Variants in NOVA1 observed in about 807,000 individuals in gnomAD.
NOVA1 encodes the protein NOVA alternative splicing regulator 1.
Under a neutral mutation model 38.0 loss-of-function variants are expected in NOVA1, and 7 were observed. The ratio of observed to expected loss-of-function variants is 0.18; its 90% CI spans 0.10 to 0.35. The LOEUF (loss-of-function observed/expected upper bound fraction) is 0.35. Ranked by LOEUF, NOVA1 falls within the 10% of genes least tolerant of loss-of-function variation. The pLI is 1.00. For missense variants in NOVA1, 460 were observed against 616.0 expected, an observed-to-expected ratio of 0.75 and a Z score of 2.68; for synonymous variants, 270 against 232.5, an observed-to-expected ratio of 1.16 and a Z score of -1.47.
chr14:26,592,810 T>G (rs1244923105), intron 2 of NOVA1: 1 of 151,736 alleles, frequency 6.6e-6, no homozygotes, highest in Admixed American at 6.6e-5. Context: ...TGAGTTAAAA[T>G]GTATTAAAAT....
chr14:26,494,623 T>C (rs913132523), intron 2 of NOVA1, among the ~76,000 whole-genome samples: 7 of 152,186 alleles, frequency 4.6e-5, no homozygotes, highest in African/African-American at 1.7e-4. Context: ...CTTATGGAAA[T>C]AGTTTCCTCT....
intron 2 of NOVA1, among the ~76,000 whole-genome samples, chr14:26,542,733 C>CAAA (rs71121888): frequency 5.6e-5 from 7 of 125,896 alleles, no homozygotes; most frequent in African/African-American, 1.7e-4. Context: ...TTTGTAATGG[C>CAAA]AAAAAAAAAA....
intron 2 of NOVA1, among the ~76,000 whole-genome samples, chr14:26,499,403 A>G (rs1763234776): frequency 6.6e-6 from 1 of 152,184 alleles, no homozygotes; most frequent in Non-Finnish European, 1.5e-5. Flanking sequence ...GTGAATTTGT[A>G]TGATGCAGCA....
chr14:26,452,919 T>C (rs1882826656), intron 4 of NOVA1, among the ~76,000 whole-genome samples: 1 of 152,200 alleles, frequency 6.6e-6, no homozygotes, highest in Non-Finnish European at 1.5e-5. Context: ...AATGAGTGTG[T>C]ATCAGTGCAG....
intron 2 of NOVA1, among the ~76,000 whole-genome samples, chr14:26,569,537 A>T (rs1892344006): frequency 2.0e-5 from 3 of 152,240 alleles, no homozygotes; most frequent in African/African-American, 7.2e-5. Context: ...TGATACGTTA[A>T]GAAAAGTTTC....
At chr14:26,501,868 A>G (rs544885180) in intron 2 of NOVA1, among the ~76,000 whole-genome samples, 1 of 151,976 alleles carries the variant, frequency 6.6e-6, no homozygotes, top group Non-Finnish European at 1.5e-5. Flanking sequence ...GTATTCTACT[A>G]TTCTTTTCTC....
At chr14:26,554,829 G>A (rs1025662987) in intron 2 of NOVA1, among the ~76,000 whole-genome samples, 1 of 152,000 alleles carries the variant, frequency 6.6e-6, no homozygotes, top group Admixed American at 6.5e-5. Flanking sequence ...TTATTCTTAG[G>A]AACAACCAGC....
intron 2 of NOVA1, among the ~76,000 whole-genome samples, chr14:26,492,513 T>A (rs568514886): frequency 1.3e-5 from 2 of 152,194 alleles, no homozygotes; most frequent in South Asian, 4.1e-4. Flanking sequence ...CCTTTTACCA[T>A]TTTAACAAAA....
intron 3 of NOVA1, among the ~76,000 whole-genome samples, chr14:26,478,319 A>G (rs1019379249): frequency 1.3e-5 from 2 of 151,906 alleles, no homozygotes; most frequent in Non-Finnish European, 1.5e-5. Flanking sequence ...ATAATAATTC[A>G]TATCACCGTC....
intron 2 of NOVA1, among the ~76,000 whole-genome samples, chr14:26,554,193 A>G (rs1437346580): frequency 3.6e-5 from 5 of 137,950 alleles, no homozygotes; most frequent in Admixed American, 1.4e-4. Context: ...AGAAGGAAGG[A>G]AGGGAGGGAG....
chr14:26,549,443 G>A (rs1240033006), intron 2 of NOVA1: 1 of 166,380 alleles, frequency 6.0e-6, no homozygotes, highest in Non-Finnish European at 1.3e-5. Context: ...CATTCAAAGT[G>A]AAGAATATTG....
chr14:26,536,807 C>T (rs1256979915), intron 2 of NOVA1, among the ~76,000 whole-genome samples: 9 of 151,912 alleles, frequency 5.9e-5, no homozygotes, highest in Non-Finnish European at 7.4e-5. Flanking sequence ...AATAGTTTTT[C>T]GAGAAAGTTT....
intron 2 of NOVA1, among the ~76,000 whole-genome samples, chr14:26,569,181 G>C (rs1157248748): frequency 2.0e-5 from 3 of 152,112 alleles, no homozygotes; most frequent in Admixed American, 1.3e-4. Flanking sequence ...CTGTCAGATA[G>C]AGTATTTTAA....
At chr14:26,564,553 T>G (rs1300161107) in intron 2 of NOVA1, among the ~76,000 whole-genome samples, 1 of 152,146 alleles carries the variant, frequency 6.6e-6, no homozygotes, top group African/African-American at 2.4e-5. Context: ...TACAGTACTG[T>G]TAAAGGTTTT....
chr14:26,475,299 T>C (rs1884897083), intron 3 of NOVA1, among the ~76,000 whole-genome samples: 1 of 152,214 alleles, frequency 6.6e-6, no homozygotes, highest in Non-Finnish European at 1.5e-5. Flanking sequence ...CTAAAAGTGC[T>C]CAGATTACTG....
rs185747852 is a variant in NOVA1, at chr14:26,496,267, A to G, written c.281-16124T>C. Among the ~76,000 whole-genome samples, 52 of 152,154 alleles carry G rather than the reference A, an allele frequency of 3.4e-4. No individual in the cohort carries two copies. The East Asian group carries it at 9.7e-3, about 28-fold the overall frequency. On this transcript the variant is annotated intron_variant, in intron 2 of 4. Transcript: ENST00000539517. The stretch of plus-strand genomic sequence containing the variant: ...GACCAGTGATGGTGAGCATTTTTTC[A>G]TGTGTTTTTTGGCTGCATAAATGTC...
chr14:26,490,565 T>C (rs1321867589), intron 2 of NOVA1, among the ~76,000 whole-genome samples: 1 of 152,240 alleles, frequency 6.6e-6, no homozygotes, highest in African/African-American at 2.4e-5. Context: ...GGAGTTTCGA[T>C]TTGCACTTTA....
intron 2 of NOVA1, among the ~76,000 whole-genome samples, chr14:26,496,497 A>G (rs1406089306): frequency 3.3e-5 from 5 of 151,928 alleles, no homozygotes; most frequent in Non-Finnish European, 5.9e-5. Flanking sequence ...CTTTAGTTTA[A>G]TTAGATCCCA....
At chr14:26,507,542 A>G (rs1887735965) in intron 2 of NOVA1, among the ~76,000 whole-genome samples, 1 of 152,148 alleles carries the variant, frequency 6.6e-6, no homozygotes, top group Non-Finnish European at 1.5e-5. Context: ...ATTAATCAGT[A>G]TATTTCATTA....
Sources: allele counts gnomAD v4.1 joint callset (sites outside exome capture counted in the v4.1 genomes callset), GRCh38; gene constraint gnomAD v4.1.1; transcripts MANE v1.5; gene names NCBI Gene and HGNC (gene_info 2026-07-23, HGNC 2026-07-21).